The following WFDC9 variants were observed in gnomAD, a reference collection of about 807,000 sequenced individuals.
WFDC9 encodes the protein protein WFDC9.
WFDC9 carries 9 observed loss-of-function variants against 9.5 expected under a neutral mutation model. The ratio of observed to expected loss-of-function variants is 0.95; its 90% CI spans 0.57 to 1.65. The LOEUF is 1.65. WFDC9 is among the 40% of genes most tolerant of loss of function. The pLI is 0.00. For missense variants in WFDC9, 87 were observed against 106.7 expected (o/e 0.82, Z 0.81); for synonymous variants, 33 against 32.3 (o/e 1.02, Z -0.07).
In WFDC9 at chr20:45,608,078, T is replaced by A; in HGVS notation, c.*32A>T. The A allele has an allele frequency of 6.2e-7, 1 of 1,613,108 alleles. No homozygotes were observed. The highest frequency in any genetic ancestry group is 8.5e-7 in the Non-Finnish European group (1 of 1,179,398). ...CTCTTCTTAGACCAGATGGTCATCC[T>A]TCAGCCCACAGTAGTGATCGGCCAA... On this transcript the variant is annotated 3_prime_UTR_variant, in exon 5 of 5. Transcript: ENST00000326000.
At chr20:45,631,057 C>A (rs370860448) in intron 1 of WFDC9, 146 bp downstream of exon 1, 9 of 1,559,850 alleles carry the variant, frequency 5.8e-6, no homozygotes, top group Non-Finnish European at 7.8e-6. Context: ...TGCTTCCCAA[C>A]TCCTCTATCC....
At chr20:45,619,537 TAAAAAGAAAAGAC>T (rs981636460) in intron 1 of WFDC9, among the ~76,000 whole-genome samples, 6 of 151,886 alleles carry the variant, frequency 4.0e-5, no homozygotes, top group Admixed American at 3.9e-4. Flanking sequence ...GCTTTAAAGC[TAAAAAGAAAAGAC>T]ATCAGGTAGT....
intron 1 of WFDC9, among the ~76,000 whole-genome samples, chr20:45,623,931 G>C (rs576575363): frequency 2.0e-5 from 3 of 152,102 alleles, no homozygotes; most frequent in East Asian, 3.9e-4. Context: ...AGTGGCTCAC[G>C]CCTGTTATCC....
At chr20:45,629,827 C>A (rs890065180) in intron 1 of WFDC9, 6 of 1,613,790 alleles carry the variant, frequency 3.7e-6, no homozygotes, top group Non-Finnish European at 3.4e-6. Flanking sequence ...GCACCCCAGA[C>A]TCTGCTGCCT....
At chr20:45,630,860 T>C in intron 1 of WFDC9, 1 of 1,590,996 alleles carries the variant, frequency 6.3e-7, no homozygotes, top group Non-Finnish European at 8.5e-7. Context: ...CGTTCTATTC[T>C]CCTTGTCAGA....
At chr20:45,608,605 G>A in intron 4 of WFDC9, 58 bp downstream of exon 4, 1 of 1,557,304 alleles carries the variant, frequency 6.4e-7, no homozygotes, top group Non-Finnish European at 8.7e-7. Context: ...TGAATAGTCG[G>A]TAAGGACCAG....
intron 4 of WFDC9, among the ~76,000 whole-genome samples, 182 bp downstream of exon 4, chr20:45,608,481 C>A (rs1218137772): frequency 6.6e-6 from 1 of 152,176 alleles, no homozygotes; most frequent in African/African-American, 2.4e-5. Flanking sequence ...TAGAGGACCT[C>A]ATGTTGGTGT....
intron 1 of WFDC9, chr20:45,629,831 G>A (rs1982312248): frequency 1.9e-6 from 3 of 1,613,920 alleles, no homozygotes; most frequent in Non-Finnish European, 2.5e-6. Flanking sequence ...CCCAGACTCT[G>A]CTGCCTGTCC....
intron 1 of WFDC9, chr20:45,630,907 G>A (rs765872615): frequency 1.2e-6 from 2 of 1,607,372 alleles, no homozygotes; most frequent in Non-Finnish European, 1.7e-6. Context: ...TCTGCCAGCA[G>A]CAGCCTAAAC....
chr20:45,619,374 C>T (rs1014220320), intron 1 of WFDC9, among the ~76,000 whole-genome samples: 1 of 152,020 alleles, frequency 6.6e-6, no homozygotes, highest in African/African-American at 2.4e-5. Flanking sequence ...TAAGAATTTC[C>T]CAGTGCAGTA....
At chr20:45,625,543 A>C (rs1476520309) in intron 1 of WFDC9, among the ~76,000 whole-genome samples, 1 of 152,122 alleles carries the variant, frequency 6.6e-6, no homozygotes, top group Non-Finnish European at 1.5e-5. Context: ...TAAGATCATG[A>C]AAATGTCCTG....
intron 1 of WFDC9, among the ~76,000 whole-genome samples, chr20:45,629,007 T>C (rs772725481): frequency 2.0e-5 from 3 of 152,188 alleles, no homozygotes; most frequent in Non-Finnish European, 2.9e-5. Context: ...CTTTGACTGA[T>C]AGGTCTCTCC....
At chr20:45,628,830 A>T (rs867777658) in intron 1 of WFDC9, among the ~76,000 whole-genome samples, 4 of 152,210 alleles carry the variant, frequency 2.6e-5, no homozygotes, top group Middle Eastern at 6.3e-3. Flanking sequence ...CATCAGAGGA[A>T]GAGGGTGATC....
intron 1 of WFDC9, chr20:45,630,880 A>C: frequency 6.2e-7 from 1 of 1,601,750 alleles, no homozygotes; most frequent in Non-Finnish European, 8.5e-7. Context: ...AAACACAGCT[A>C]TCCCCAGAAA....
At position 45,608,790 on chromosome 20, in the gene WFDC9, T is replaced by C; in HGVS notation, c.112A>G (p.Thr38Ala). 1 of 1,612,786 alleles carries C rather than the reference T, an allele frequency of 6.2e-7. No individual in the cohort carries two copies. Among genetic ancestry groups the C allele is most frequent in the Non-Finnish European group, 8.5e-7 (1 of 1,179,396 alleles). The part of the protein sequence containing the change: ...KDPFLDMIRE[T>A]EQCWVQPPYK... ...GGAGGCTGTACCCAGCACTGCTCAGTTTCTCTTATCATATCTAGAACTGAG... is the reference window on the plus strand; with the variant it reads ...GGAGGCTGTACCCAGCACTGCTCAGCTTCTCTTATCATATCTAGAACTGAG... Residue 38 changes from threonine to alanine, a missense_variant, in exon 4 of 5, where the codon ACT becomes GCT. Thr to Ala is a moderately conservative substitution (Grantham distance 58). Coordinates refer to ENST00000326000, the MANE Select transcript of WFDC9 (RefSeq NM_147198.4).
At chr20:45,610,442 T>C (rs1211689489) in intron 2 of WFDC9, among the ~76,000 whole-genome samples, 2 of 152,190 alleles carry the variant, frequency 1.3e-5, no homozygotes, top group African/African-American at 4.8e-5. Context: ...TTAAAATGAA[T>C]TTCTCCTGTC....
At chr20:45,610,359 G>A in intron 2 of WFDC9, 120 bp from the exon 3 acceptor site, 1 of 481,184 alleles carries the variant, frequency 2.1e-6, no homozygotes, top group Non-Finnish European at 3.6e-6. Context: ...CAACTCCCAG[G>A]CTAGCCAGTG....
chr20:45,608,538 G>C, intron 4 of WFDC9, 125 bp downstream of exon 4: 1 of 1,189,834 alleles, frequency 8.4e-7, no homozygotes, highest in Non-Finnish European at 1.2e-6. Flanking sequence ...GGAGATAGGA[G>C]GACATTGTCT....
intron 2 of WFDC9, among the ~76,000 whole-genome samples, chr20:45,614,413 T>C (rs1981928980): frequency 6.6e-6 from 1 of 152,234 alleles, no homozygotes. Flanking sequence ...GACAGAGTGC[T>C]GGATTTAGTG....
Sources: allele counts gnomAD v4.1 joint callset (sites outside exome capture counted in the v4.1 genomes callset), GRCh38; gene constraint gnomAD v4.1.1; transcripts MANE v1.5; gene names NCBI Gene and HGNC (gene_info 2026-07-23, HGNC 2026-07-21).